Variants in KCNJ6 observed in about 807,000 individuals in gnomAD.
KCNJ6 encodes the protein G protein-activated inward rectifier potassium channel 2.
A neutral mutation model predicts 34.2 loss-of-function variants in KCNJ6; 9 were observed. The observed-to-expected ratio is 0.26, with a 90% CI of 0.16 to 0.46. The LOEUF is 0.46. Among genes scored for constraint, KCNJ6 ranks in the 20% least tolerant of loss-of-function variants. The pLI is 1.00. For missense variants in KCNJ6, 236 were observed against 531.3 expected (o/e 0.44, Z 5.46); for synonymous variants, 196 against 207.1 (o/e 0.95, Z 0.46).
At chr21:37,691,456 A>G (rs2054639320) in intron 3 of KCNJ6, among the ~76,000 whole-genome samples, 1 of 152,208 alleles carries the variant, frequency 6.6e-6, no homozygotes, top group Admixed American at 6.5e-5. Context: ...TGCTTGGCAC[A>G]GCCTGCTCAG....
chr21:37,760,982 G>C (rs1288112653), intron 2 of KCNJ6, among the ~76,000 whole-genome samples: 3 of 152,334 alleles, frequency 2.0e-5, no homozygotes, highest in South Asian at 4.1e-4. Flanking sequence ...GCAGGTCAGG[G>C]AAGAGCCAGA....
chr21:37,913,500 C>T (rs1162784257), intron 1 of KCNJ6, among the ~76,000 whole-genome samples: 1 of 152,174 alleles, frequency 6.6e-6, no homozygotes, highest in South Asian at 2.1e-4. Context: ...ATATCTCCAC[C>T]CTCTTCAGTC....
At chr21:37,712,377 G>T (rs561118823) in intron 3 of KCNJ6, among the ~76,000 whole-genome samples, 1 of 152,130 alleles carries the variant, frequency 6.6e-6, no homozygotes, top group Admixed American at 6.5e-5. Context: ...CTCAGCTGAG[G>T]TTGGGGAAGT....
chr21:37,851,313 C>T (rs181256800), intron 1 of KCNJ6, among the ~76,000 whole-genome samples: 36 of 152,248 alleles, frequency 2.4e-4, no homozygotes, highest in East Asian at 2.3e-3. Context: ...TTGTTCCCTA[C>T]GCATGCAAAA....
intron 3 of KCNJ6, among the ~76,000 whole-genome samples, chr21:37,699,080 A>T (rs180866745): frequency 1.3e-5 from 2 of 152,240 alleles, no homozygotes; most frequent in African/African-American, 4.8e-5. Flanking sequence ...ATATGTGTCC[A>T]TAAACACAAT....
chr21:37,828,405 C>G (rs891908793), intron 2 of KCNJ6, among the ~76,000 whole-genome samples: 3 of 152,198 alleles, frequency 2.0e-5, no homozygotes, highest in Non-Finnish European at 4.4e-5. Context: ...CTTCCCCGGC[C>G]TGCTTCCCTT....
intron 2 of KCNJ6, among the ~76,000 whole-genome samples, chr21:37,791,579 C>T (rs868846153): frequency 1.2e-4 from 19 of 152,264 alleles, no homozygotes; most frequent in Middle Eastern, 6.8e-3. Flanking sequence ...AAGGAACCAG[C>T]GTACATAAAA....
At chr21:37,830,935 C>T (rs1304957944) in intron 2 of KCNJ6, among the ~76,000 whole-genome samples, 1 of 152,044 alleles carries the variant, frequency 6.6e-6, no homozygotes, top group East Asian at 1.9e-4. Context: ...TGGAAATGGC[C>T]GTTAGGGGGA....
chr21:37,806,505 G>C (rs1233541380), intron 2 of KCNJ6, among the ~76,000 whole-genome samples: 1 of 152,034 alleles, frequency 6.6e-6, no homozygotes, highest in Non-Finnish European at 1.5e-5. Flanking sequence ...CCCCTCCCCG[G>C]GTCTTTATGA....
intron 1 of KCNJ6, among the ~76,000 whole-genome samples, chr21:37,858,962 C>G (rs990538907): frequency 6.6e-6 from 1 of 151,984 alleles, no homozygotes; most frequent in Non-Finnish European, 1.5e-5. Flanking sequence ...GGTAGGGAGA[C>G]AAAAGTTTCT....
At chr21:37,676,800 C>T (rs986724015) in intron 3 of KCNJ6, among the ~76,000 whole-genome samples, 5 of 152,242 alleles carry the variant, frequency 3.3e-5, no homozygotes, top group African/African-American at 1.2e-4. Context: ...TTGCAAGGCG[C>T]AGGATGGCCC....
At chr21:37,861,576 G>T (rs2055595048) in intron 1 of KCNJ6, among the ~76,000 whole-genome samples, 1 of 152,148 alleles carries the variant, frequency 6.6e-6, no homozygotes, top group Admixed American at 6.5e-5. Flanking sequence ...GAGAAGTAGG[G>T]TTGCGACATG....
At chr21:37,825,711 A>G (rs2055395917) in intron 2 of KCNJ6, among the ~76,000 whole-genome samples, 1 of 152,182 alleles carries the variant, frequency 6.6e-6, no homozygotes, top group South Asian at 2.1e-4. Context: ...TTTATATAGA[A>G]AAAGAGGTTT....
chr21:37,786,390 A>C (rs1168736774), intron 2 of KCNJ6, among the ~76,000 whole-genome samples: 1 of 152,228 alleles, frequency 6.6e-6, no homozygotes, highest in African/African-American at 2.4e-5. Flanking sequence ...TGGGGATCCC[A>C]AGACAGATGA....
At chr21:37,822,152 A>G (rs901746744) in intron 2 of KCNJ6, among the ~76,000 whole-genome samples, 1 of 152,178 alleles carries the variant, frequency 6.6e-6, no homozygotes, top group Non-Finnish European at 1.5e-5. Context: ...GTTTGGAGAG[A>G]CAGATGTAAT....
intron 1 of KCNJ6, among the ~76,000 whole-genome samples, chr21:37,895,782 G>T (rs2055784701): frequency 6.6e-6 from 1 of 152,190 alleles, no homozygotes; most frequent in Non-Finnish European, 1.5e-5. Context: ...TGACAGTGGT[G>T]CCCCATTCCC....
chr21:37,618,667 A>G lies in KCNJ6; in HGVS notation c.*6492T>C, dbSNP rs1268326260. ...ACTATGTGGCCACAATTCTCCGGCC[A>G]ACCACAGTGCATGTTGGGATTTGCA... On this transcript the variant is annotated 3_prime_UTR_variant, in exon 4 of 4. Transcript: ENST00000609713. 6.6e-6 allele frequency: 1 copy of G among 152,200 alleles called. No individual in the cohort carries two copies. The highest frequency in any genetic ancestry group is 1.5e-5 in the Non-Finnish European group (1 of 68,034). The allele number at this position is 152,200 out of a possible 1,614,324, so 9.4% of individuals were successfully genotyped here.
intron 3 of KCNJ6, among the ~76,000 whole-genome samples, chr21:37,661,798 ATT>A (rs35700310): frequency 2.2e-4 from 33 of 147,402 alleles, no homozygotes; most frequent in South Asian, 4.4e-4. Flanking sequence ...AATTTTTTCT[ATT>A]TTTTTTTTTA....
intron 2 of KCNJ6, among the ~76,000 whole-genome samples, chr21:37,779,165 C>T (rs1393819752): frequency 6.6e-6 from 1 of 152,076 alleles, no homozygotes; most frequent in African/African-American, 2.4e-5. Flanking sequence ...GTTGTGGTGG[C>T]CTTGTAAATT....
Sources: allele counts gnomAD v4.1 joint callset (sites outside exome capture counted in the v4.1 genomes callset), GRCh38; gene constraint gnomAD v4.1.1; transcripts MANE v1.5; gene names NCBI Gene and HGNC (gene_info 2026-07-23, HGNC 2026-07-21).